The following OSBPL2 variants were observed in gnomAD, a reference collection of about 807,000 sequenced individuals.
The protein encoded by OSBPL2 is oxysterol-binding protein-related protein 2.
In OSBPL2, 18 loss-of-function variants were observed where a neutral mutation model predicts 58.4. That is an observed-to-expected ratio of 0.31 (90% CI 0.21 to 0.46). OSBPL2 has a LOEUF of 0.46. OSBPL2 is among the 20% of genes least tolerant of loss of function. The pLI, the probability that OSBPL2 is intolerant of heterozygous loss-of-function variation, is 1.00. For synonymous variants in OSBPL2, 221 were observed against 234.1 expected (o/e 0.94, Z 0.51); for missense variants, 461 against 616.5 (o/e 0.75, Z 2.67).
chr20:62,255,876 C>A (rs1012217781), intron 1 of OSBPL2, among the ~76,000 whole-genome samples, 181 bp from the exon 2 acceptor site: 1 of 152,192 alleles, frequency 6.6e-6, no homozygotes, highest in African/African-American at 2.4e-5. Flanking sequence ...ATTGATCTTC[C>A]GTTATAAATG....
chr20:62,295,573 A>G lies in OSBPL2; in HGVS notation c.*1686A>G, dbSNP rs1601212354. On this transcript the variant is annotated 3_prime_UTR_variant, in exon 14 of 14. Coordinates refer to ENST00000313733, the MANE Select transcript of OSBPL2 (RefSeq NM_144498.4). This position sits in a 1 kb window ranked among gnomAD's most constrained non-coding sequence, Gnocchi z 4.8. Reference sequence around the variant, plus strand: ...CATCCTCGGGGCCTATGAGCTCCGTACCAGCCACTCAAAAGTGTCTGAACA... The same window carrying G: ...CATCCTCGGGGCCTATGAGCTCCGTGCCAGCCACTCAAAAGTGTCTGAACA... The G allele has an allele frequency of 6.6e-6, 1 of 152,146 alleles. No homozygotes were observed. Among genetic ancestry groups the G allele is most frequent in the South Asian group, 2.1e-4 (1 of 4,834 alleles). The allele number at this position is 152,146 out of a possible 1,614,324, so 9.4% of individuals were successfully genotyped here. A position where few individuals can be genotyped will look rare whatever the true frequency, so the allele number is the denominator to read the frequency against.
At chr20:62,292,427 A>G (rs754156123) in intron 13 of OSBPL2, among the ~76,000 whole-genome samples, 2 of 152,210 alleles carry the variant, frequency 1.3e-5, no homozygotes, top group Non-Finnish European at 1.5e-5. Flanking sequence ...GTCTGTGCAC[A>G]TGGAGGCTGG....
At chr20:62,262,446 G>A (rs1000329337) in intron 3 of OSBPL2, among the ~76,000 whole-genome samples, 78 of 152,150 alleles carry the variant, frequency 5.1e-4, no homozygotes, top group African/African-American at 1.6e-3. Context: ...TGGGGGATGC[G>A]ACCTGACCTT....
intron 1 of OSBPL2, among the ~76,000 whole-genome samples, chr20:62,241,128 GTC>G (rs1979700297): frequency 6.6e-6 from 1 of 152,234 alleles, no homozygotes; most frequent in Middle Eastern, 3.4e-3. Context: ...TCATCCCAGT[GTC>G]TCTCCTCTGT....
At position 62,272,206 on chromosome 20, in the gene OSBPL2, G is replaced by A. The variant is rs747290950; in HGVS notation, c.340G>A (p.Val114Met). 6.8e-6 allele frequency: 11 copies of A among 1,613,802 alleles called. No homozygotes were observed. Among genetic ancestry groups the A allele is most frequent in the South Asian group, 1.1e-5 (1 of 91,076 alleles). ...GCGGATCACGGAGTACATGGAGCAC[G>A]TGTACCTCATCCACAGGGCCTCCTG... ...LQRITEYMEH[V>M]YLIHRASCQP... Residue 114 changes from valine to methionine, a missense_variant, in exon 5 of 14, where the codon GTG becomes ATG. Transcript: ENST00000313733.
At chr20:62,263,957 C>T (rs892447367) in intron 4 of OSBPL2, among the ~76,000 whole-genome samples, 2 of 150,900 alleles carry the variant, frequency 1.3e-5, no homozygotes, top group African/African-American at 4.9e-5. Flanking sequence ...CCCAGCTACT[C>T]GGGAGGCTGA....
chr20:62,272,645 T>C (rs1379690112), intron 5 of OSBPL2, among the ~76,000 whole-genome samples: 1 of 152,126 alleles, frequency 6.6e-6, no homozygotes, highest in East Asian at 1.9e-4. Flanking sequence ...ATGCCTGTAA[T>C]CCCAACACTT....
intron 3 of OSBPL2, among the ~76,000 whole-genome samples, chr20:62,261,747 G>A (rs1294002944): frequency 6.6e-6 from 1 of 152,138 alleles, no homozygotes; most frequent in East Asian, 1.9e-4. Context: ...CTGTTGTTGT[G>A]CAGAGGCATT....
chr20:62,275,384 A>G (rs1025090755), intron 6 of OSBPL2, among the ~76,000 whole-genome samples: 2 of 150,794 alleles, frequency 1.3e-5, no homozygotes, highest in Admixed American at 6.6e-5. Flanking sequence ...CAGCACTTCT[A>G]CATGTCAGTT....
intron 12 of OSBPL2, among the ~76,000 whole-genome samples, chr20:62,289,835 G>A (rs1336293902): frequency 1.3e-5 from 2 of 152,126 alleles, no homozygotes; most frequent in African/African-American, 2.4e-5. Context: ...TACCCAGGAG[G>A]TGGAGGTTGC....
intron 1 of OSBPL2, among the ~76,000 whole-genome samples, chr20:62,248,155 C>CTTTTTTTTTTTTTTTTTTTTTCT (rs11470491): frequency 8.4e-6 from 1 of 118,854 alleles, no homozygotes; most frequent in African/African-American, 3.2e-5. Context: ...CTTTTCTTTT[C>CTTTTTTTTTTTTTTTTTTTTTCT]TTTTTTTTTT....
Position 62,289,195 on chromosome 20 carries a change from C to G in OSBPL2, c.1126-12C>G. The G allele has an allele frequency of 2.5e-6, 4 of 1,613,338 alleles. No individual in the cohort carries two copies. The highest frequency in any genetic ancestry group is 2.5e-6 in the Non-Finnish European group (3 of 1,179,636). ...CCCTGCTGAGGTCGTGTCTCTGTGC[C>G]TTGCTCCACAGATGTATAATTTCAC... On this transcript the variant is annotated splice_polypyrimidine_tract_variant and intron_variant, in intron 11 of 13. Coordinates refer to ENST00000313733, the MANE Select transcript of OSBPL2 (RefSeq NM_144498.4).
At chr20:62,259,879 G>T in intron 2 of OSBPL2, 102 bp from the exon 3 acceptor site, 1 of 1,019,922 alleles carries the variant, frequency 9.8e-7, no homozygotes, top group South Asian at 1.5e-5. Context: ...TCACACAACT[G>T]AGCTCTGTAG....
chr20:62,286,449 GA>G (rs375911327), intron 10 of OSBPL2, 133 bp from the exon 11 acceptor site: 87,653 of 765,154 alleles, frequency 0.11, 2 homozygotes, highest in South Asian at 0.15. Flanking sequence ...GACTCCGTCT[GA>G]AAAAAAAAAA....
At chr20:62,251,036 GAT>G (rs1491089934) in intron 1 of OSBPL2, among the ~76,000 whole-genome samples, 134 of 139,940 alleles carry the variant, frequency 9.6e-4, no homozygotes, top group Admixed American at 2.6e-3. Flanking sequence ...CAGAGCAATA[GAT>G]TTTTTTTTTT....
intron 3 of OSBPL2, among the ~76,000 whole-genome samples, chr20:62,260,999 A>C (rs1981263661): frequency 6.6e-6 from 1 of 150,950 alleles, no homozygotes; most frequent in Admixed American, 6.6e-5. Context: ...CAAAAAATAA[A>C]GGGAAGAAGT....
At chr20:62,290,170 A>G (rs1983399865) in intron 12 of OSBPL2, among the ~76,000 whole-genome samples, 1 of 152,124 alleles carries the variant, frequency 6.6e-6, no homozygotes, top group Non-Finnish European at 1.5e-5. Flanking sequence ...TCTAGATGGA[A>G]TCCGCAGTGA....
intron 13 of OSBPL2, among the ~76,000 whole-genome samples, chr20:62,292,996 G>C (rs1188414928): frequency 6.6e-6 from 1 of 151,282 alleles, no homozygotes; most frequent in Non-Finnish European, 1.5e-5. Context: ...AGCCTCCTGA[G>C]TAGCTGGGAC....
At chr20:62,260,164 G>A (rs774613749) in intron 3 of OSBPL2, 39 bp downstream of exon 3, 1 of 1,597,348 alleles carries the variant, frequency 6.3e-7, no homozygotes, top group South Asian at 1.1e-5. Flanking sequence ...AAATGTGTCT[G>A]TAATCACCCC....
Sources: allele counts gnomAD v4.1 joint callset (sites outside exome capture counted in the v4.1 genomes callset), GRCh38; gene constraint gnomAD v4.1.1; non-coding constraint Gnocchi (gnomAD v3.1); transcripts MANE v1.5; gene names NCBI Gene and HGNC (gene_info 2026-07-23, HGNC 2026-07-21).